The following DHX8 variants were observed in gnomAD, a reference collection of about 807,000 sequenced individuals.
The protein encoded by DHX8 is ATP-dependent RNA helicase DHX8.
In DHX8, 67 loss-of-function variants were observed where a neutral mutation model predicts 140.7. That is an observed-to-expected ratio of 0.48 (90% CI 0.39 to 0.58). The LOEUF (loss-of-function observed/expected upper bound fraction) is 0.58. Ranked by LOEUF, DHX8 falls within the 20% of genes least tolerant of loss-of-function variation. DHX8 has a pLI of 0.00. For synonymous variants in DHX8, 533 were observed against 553.2 expected (o/e 0.96, Z 0.51); for missense variants, 887 against 1,550.7 (o/e 0.57, Z 7.19).
Position 43,488,814 on chromosome 17 carries a change from G to A in DHX8, c.149-635G>A, listed in dbSNP as rs575485618. Among the ~76,000 whole-genome samples, 266 of 152,200 alleles carry A rather than the reference G, an allele frequency of 1.7e-3. 2 individuals carry two copies. Among genetic ancestry groups the A allele is most frequent in the African/African-American group, 6.2e-3 (258 of 41,524 alleles). ...TTTACAGTCTAGTCTAGGTGGCAGC[G>A]TGCCCAGGTAGTGGTTTTGTGAGAA... On this transcript the variant is annotated intron_variant, in intron 1 of 22. Transcript: ENST00000262415.
rs1454705399 is a variant in DHX8, at chr17:43,524,696, TACTA to T, written c.*851_*854del. On this transcript the variant is annotated 3_prime_UTR_variant, in exon 23 of 23. Coordinates refer to ENST00000262415, the MANE Select transcript of DHX8 (RefSeq NM_004941.3). ...GCATGTCCCATTTCCTTTTGAAACA[TACTA>T]AGTAACAACACAGCTTTTATTTTAT... 1 of 985,338 alleles carries T rather than the reference TACTA, an allele frequency of 1.0e-6. No individual in the cohort carries two copies. The highest frequency in any genetic ancestry group is 1.2e-6 in the Non-Finnish European group (1 of 829,950). The allele number at this position is 985,338 out of a possible 1,614,324, so 61.0% of individuals were successfully genotyped here. A position where few individuals can be genotyped will look rare whatever the true frequency, so the allele number is the denominator to read the frequency against.
At chr17:43,544,687 G>C (rs979643036), downstream of DHX8, 7 of 303,140 alleles carry the variant, frequency 2.3e-5, no homozygotes, top group Non-Finnish European at 4.3e-5. Flanking sequence ...ATGGGCCTGG[G>C]GCCAAGTTCC....
downstream of DHX8, among the ~76,000 whole-genome samples, chr17:43,530,621 T>C (rs1180305983): frequency 2.8e-4 from 42 of 151,592 alleles, no homozygotes; most frequent in South Asian, 1.3e-3. Context: ...TGTGTGTGTG[T>C]GTGTGTGTGT....
At position 43,498,856 on chromosome 17, in the gene DHX8, T is replaced by C; in HGVS notation, c.1301-6T>C. On this transcript the variant is annotated splice_region_variant and splice_polypyrimidine_tract_variant and intron_variant, in intron 9 of 22. Transcript: ENST00000262415. ...TGGCTAATTCTTCTTTTGGGGGGAC[T>C]TTTAGATGAGGACCTTGAGATTGAA... 1 of 1,591,506 alleles carries C rather than the reference T, an allele frequency of 6.3e-7. No homozygotes were observed. The highest frequency in any genetic ancestry group is 8.5e-7 in the Non-Finnish European group (1 of 1,171,702).
rs371548772 is a variant in DHX8 at position 43,507,798 on chromosome 17, T to C, written c.2110-11T>C. On this transcript the variant is annotated splice_polypyrimidine_tract_variant and intron_variant, in intron 14 of 22. Coordinates refer to ENST00000262415, the MANE Select transcript of DHX8 (RefSeq NM_004941.3). ...GTCCTTTTCAGTAAGCCACATAATA[T>C]TTCTCTTCAGACAGTTCAGAAACGG... 5.1e-5 allele frequency: 83 copies of C among 1,614,010 alleles called. No individual in the cohort carries two copies. The African/African-American group carries it at 6.0e-4, about 12-fold the overall frequency.
At chr17:43,533,790 T>A in intron 2 of DHX8, 1 of 1,572,762 alleles carries the variant, frequency 6.4e-7, no homozygotes, top group Non-Finnish European at 8.6e-7. Flanking sequence ...CCTCTGCTCA[T>A]GGGTGCCCCC....
intron 4 of DHX8, 47 bp downstream of exon 4, chr17:43,491,297 A>G (rs768608075): frequency 2.0e-6 from 2 of 1,019,392 alleles, no homozygotes; most frequent in Non-Finnish European, 2.8e-6. Context: ...TATATTCTCA[A>G]CCCCTTTTCT....
intron 2 of DHX8, among the ~76,000 whole-genome samples, chr17:43,534,680 C>T (rs1971140322): frequency 6.6e-6 from 1 of 152,156 alleles, no homozygotes; most frequent in African/African-American, 2.4e-5. Context: ...TGGCTCACGC[C>T]TGTAATCCCA....
chr17:43,512,160 G>A (rs569184909), intron 16 of DHX8, among the ~76,000 whole-genome samples: 18 of 151,984 alleles, frequency 1.2e-4, no homozygotes, highest in Middle Eastern at 3.4e-3. Context: ...AGGCTGAAGC[G>A]GATGGATCAT....
intron 2 of DHX8, chr17:43,533,024 G>A (rs1971030199): frequency 6.6e-7 from 1 of 1,512,844 alleles, no homozygotes; most frequent in Non-Finnish European, 8.9e-7. Context: ...CTTTTAGAGT[G>A]GGCTCCGGAA....
rs1567685884 is a variant in DHX8 at position 43,504,665 on chromosome 17, C to G, written c.1568C>G (p.Ala523Gly). 1 of 1,610,960 alleles carries G rather than the reference C, an allele frequency of 6.2e-7. No individual in the cohort carries two copies. Residue 523 changes from alanine to glycine, a missense_variant, in exon 12 of 23, where the codon GCC becomes GGC. Ala to Gly is a moderately conservative substitution (Grantham distance 60). Coordinates refer to ENST00000262415, the MANE Select transcript of DHX8 (RefSeq NM_004941.3). Reference sequence around the variant, plus strand: ...CCAGCGGAAGGCAGACAGATTGCTGCCAACATGAGGGGTATTGGGATGATG... The same window carrying G: ...CCAGCGGAAGGCAGACAGATTGCTGGCAACATGAGGGGTATTGGGATGATG... ...LPDAEGRQIA[A>G]NMRGIGMMPN...
chr17:43,530,478 C>G, downstream of DHX8: 1 of 1,293,632 alleles, frequency 7.7e-7, no homozygotes, highest in Non-Finnish European at 9.9e-7. Context: ...CTGTTTCCTG[C>G]GAGTTCAGGG....
downstream of DHX8, among the ~76,000 whole-genome samples, chr17:43,527,610 CCT>C (rs1461247771): frequency 2.6e-5 from 4 of 152,250 alleles, no homozygotes; most frequent in African/African-American, 9.6e-5. Flanking sequence ...TCAAGTACCC[CCT>C]GTCCATTATT....
Position 43,536,275 on chromosome 17 carries a change from G to T in DHX8, c.351-137G>T. The T allele has an allele frequency of 4.1e-6, 3 of 725,440 alleles. No homozygotes were observed. In the South Asian group the frequency reaches 5.1e-5, roughly 12 times the overall value. 44.9% of individuals were successfully genotyped at this position (725,440 alleles called of 1,614,324 possible). A position where few individuals can be genotyped will look rare whatever the true frequency, so the allele number is the denominator to read the frequency against. On this transcript the variant is annotated intron_variant, in intron 2 of 3. Transcript: ENST00000589898. ...TGTCAAGCCCCAGATTTCAACCAAG[G>T]TTTTCATTCCAGTTATTGCCTTGGT... is the stretch of plus-strand genomic sequence containing the variant.
In DHX8 at chr17:43,517,623, A is replaced by G. The variant is rs1283749598; in HGVS notation, c.2799+301A>G. ...AATTAGAAAAATATAATCAATGCCA[A>G]ACTGTGGACACACACACCTAACCTC... On this transcript the variant is annotated intron_variant, in intron 18 of 22. Coordinates refer to ENST00000262415, the MANE Select transcript of DHX8 (RefSeq NM_004941.3). 4 of 296,426 alleles carry G rather than the reference A, an allele frequency of 1.3e-5. No individual in the cohort carries two copies. The East Asian group carries it at 2.6e-4, about 20-fold the overall frequency. The allele number at this position is 296,426 out of a possible 1,614,324, so 18.4% of individuals were successfully genotyped here. A position where few individuals can be genotyped will look rare whatever the true frequency, so the allele number is the denominator to read the frequency against.
exon 3 of DHX8, chr17:43,536,483 C>G: frequency 6.2e-7 from 1 of 1,614,184 alleles, no homozygotes. Context: ...ACCTGAGCTG[C>G]AGAGAGAAGT....
At chr17:43,529,172 G>A (rs987168066), downstream of DHX8, 8 of 1,613,936 alleles carry the variant, frequency 5.0e-6, no homozygotes, top group Non-Finnish European at 6.8e-6. Flanking sequence ...GTATCGGAGC[G>A]AGCGGCTCAG....
At position 43,498,963 on chromosome 17, in the gene DHX8, A is replaced by G; in HGVS notation, c.1398+4A>G. The G allele has an allele frequency of 6.3e-7, 1 of 1,581,336 alleles. No homozygotes were observed. Among genetic ancestry groups the G allele is most frequent in the South Asian group, 1.2e-5 (1 of 85,478 alleles). On this transcript the variant is annotated splice_donor_region_variant and intron_variant, in intron 10 of 22. Coordinates refer to ENST00000262415, the MANE Select transcript of DHX8 (RefSeq NM_004941.3). ...GAGCCCCATTAAAATTGTCAAGGTG[A>G]GAATTACTGGACCTTTAACCTGGAA... is the stretch of plus-strand genomic sequence containing the variant.
downstream of DHX8, chr17:43,526,546 G>C: frequency 6.5e-7 from 1 of 1,535,660 alleles, no homozygotes; most frequent in East Asian, 2.4e-5. Flanking sequence ...TTGGAGCAGT[G>C]CCTCTCCAAG....
Sources: gnomAD v4.1 joint callset for allele counts (sites outside exome capture counted in the v4.1 genomes callset) on GRCh38, gnomAD v4.1.1 for gene constraint, MANE v1.5 for transcripts, NCBI Gene and HGNC (gene_info 2026-07-23, HGNC 2026-07-21) for gene names.